Variants in LAMA2 observed in about 807,000 individuals in gnomAD.
LAMA2 encodes laminin subunit alpha 2.
Under a neutral mutation model 364.8 loss-of-function variants are expected in LAMA2, and 269 were observed. The observed-to-expected ratio is 0.74, with a 90% CI of 0.67 to 0.82. The LOEUF (loss-of-function observed/expected upper bound fraction) is 0.82, where lower values mean the gene tolerates loss of function less well. LAMA2 is among the 40% of genes least tolerant of loss of function. LAMA2 has a pLI of 0.00. For missense variants in LAMA2, 3,807 were observed against 3,873.2 expected, an observed-to-expected ratio of 0.98 and a Z score of 0.45; for synonymous variants, 1,379 against 1,370.6, an observed-to-expected ratio of 1.01 and a Z score of -0.14.
intron 12 of LAMA2, among the ~76,000 whole-genome samples, chr6:129,225,269 C>G (rs909403628): frequency 1.3e-5 from 2 of 152,112 alleles, no homozygotes; most frequent in African/African-American, 4.8e-5. Flanking sequence ...TTTTGTTGAT[C>G]TTTTCAAAAA....
intron 2 of LAMA2, among the ~76,000 whole-genome samples, chr6:129,057,575 A>AT (rs1333525682): frequency 1.3e-5 from 2 of 152,140 alleles, no homozygotes; most frequent in Admixed American, 6.6e-5. Flanking sequence ...TTAATTTCAT[A>AT]TTTTTTCTCT....
intron 16 of LAMA2, 26 bp downstream of exon 16, chr6:129,267,245 CT>C (rs774833665): frequency 9.6e-6 from 14 of 1,451,500 alleles, no homozygotes; most frequent in Non-Finnish European, 1.2e-5. Flanking sequence ...TTTGGGGATG[CT>C]GATTGACAAG....
chr6:129,230,002 A>G (rs1256915404), intron 12 of LAMA2, among the ~76,000 whole-genome samples: 1 of 152,202 alleles, frequency 6.6e-6, no homozygotes, highest in Non-Finnish European at 1.5e-5. Flanking sequence ...TGAACTGAAG[A>G]TGTAAAATGT....
intron 12 of LAMA2, among the ~76,000 whole-genome samples, chr6:129,233,882 A>C (rs1784825692): frequency 6.6e-6 from 1 of 152,164 alleles, no homozygotes; most frequent in Non-Finnish European, 1.5e-5. Flanking sequence ...AACTGGTCTG[A>C]AACTCCGCTC....
At chr6:129,362,251 T>C (rs1185624021) in intron 32 of LAMA2, among the ~76,000 whole-genome samples, 1 of 152,226 alleles carries the variant, frequency 6.6e-6, no homozygotes, top group Non-Finnish European at 1.5e-5. Context: ...GTCATTCTTG[T>C]TGATCGGACA....
intron 17 of LAMA2, among the ~76,000 whole-genome samples, chr6:129,278,227 A>C (rs541903755): frequency 6.6e-6 from 1 of 152,172 alleles, no homozygotes; most frequent in African/African-American, 2.4e-5. Context: ...AAATATTTTT[A>C]AAAATGTCAG....
At position 129,347,791 on chromosome 6, in the gene LAMA2, A is replaced by G. The variant is rs6905378; in HGVS notation, c.4437-1507A>G. Among the ~76,000 whole-genome samples, 2,768 of 152,328 alleles carry G rather than the reference A, an allele frequency of 0.018. 241 individuals carry two copies. In the East Asian group the frequency reaches 0.28, roughly 15 times the overall value. ...GTGAGATGGAATCCCTACTCCCTCC[A>G]GAAGACCTTTTATGTGATATAAGGA... On this transcript the variant is annotated intron_variant, in intron 30 of 64. Coordinates refer to ENST00000421865, the MANE Select transcript of LAMA2 (RefSeq NM_000426.4).
intron 12 of LAMA2, among the ~76,000 whole-genome samples, chr6:129,205,491 T>TAG (rs1400126417): frequency 1.6e-5 from 2 of 123,086 alleles, no homozygotes; most frequent in Admixed American, 7.7e-5. Context: ...TATATATATA[T>TAG]ATACACACAC....
At chr6:128,912,315 C>T (rs1778020348) in intron 1 of LAMA2, among the ~76,000 whole-genome samples, 1 of 141,632 alleles carries the variant, frequency 7.1e-6, no homozygotes, top group South Asian at 2.2e-4. Context: ...TGAATGATAC[C>T]GTAATGGATA....
intron 12 of LAMA2, among the ~76,000 whole-genome samples, chr6:129,224,000 T>C (rs544201472): frequency 1.3e-5 from 2 of 152,362 alleles, no homozygotes; most frequent in Non-Finnish European, 2.9e-5. Flanking sequence ...TTCCATTTGT[T>C]TGTGTCCTCT....
chr6:129,007,201 T>C (rs1371981285), intron 1 of LAMA2, among the ~76,000 whole-genome samples: 1 of 152,100 alleles, frequency 6.6e-6, no homozygotes, highest in East Asian at 1.9e-4. Flanking sequence ...TTTACTTAGA[T>C]TATATCTATT....
At chr6:128,993,593 A>G (rs192080872) in intron 1 of LAMA2, among the ~76,000 whole-genome samples, 2 of 152,232 alleles carry the variant, frequency 1.3e-5, no homozygotes, top group Admixed American at 1.3e-4. Flanking sequence ...CCTAATATGC[A>G]TTTTTATGGT....
intron 41 of LAMA2, 30 bp downstream of exon 41, chr6:129,427,884 C>A: frequency 7.5e-7 from 1 of 1,340,212 alleles, no homozygotes; most frequent in Non-Finnish European, 1.1e-6. Flanking sequence ...TTATTATATT[C>A]CAGTTAATCG....
rs1246459489 is a variant in LAMA2 at position 129,460,306 on chromosome 6, G to A, written c.6974G>A (p.Cys2325Tyr). 1 of 1,612,156 alleles carries A rather than the reference G, an allele frequency of 6.2e-7. No individual in the cohort carries two copies. Among genetic ancestry groups the A allele is most frequent in the East Asian group, 2.2e-5 (1 of 44,794 alleles). The change falls in exon 49 of 65, where the codon TGC becomes TAC. Residue 2325 changes from cysteine (C) to tyrosine (Y), a missense_variant. By Grantham distance (194) the Cys-to-Tyr change is radical. This residue lies in a region of LAMA2 where 3,333 missense variants were observed against 3,345.7 expected (regional missense o/e 1.00). Coordinates refer to ENST00000421865, the MANE Select transcript of LAMA2 (RefSeq NM_000426.4). Reference protein sequence around the residue: ...LWNFREKEGDCKGCTVSPQVE... With the variant: ...LWNFREKEGDYKGCTVSPQVE... The stretch of plus-strand genomic sequence containing the variant: ...AATTTCCGAGAAAAAGAAGGTGACT[G>A]CAAAGGATGCACTGTCAGGTTAGTT...
chr6:129,484,541 A>G (rs1784503705), intron 55 of LAMA2, among the ~76,000 whole-genome samples: 1 of 152,192 alleles, frequency 6.6e-6, no homozygotes, highest in Admixed American at 6.5e-5. Context: ...CAGCTGGAGA[A>G]CAGAGAGGCA....
rs1416816643 is a variant in LAMA2, at chr6:129,464,223, T to C, written c.6993-67T>C. On this transcript the variant is annotated intron_variant, in intron 49 of 64. Transcript: ENST00000421865. Reference sequence around the variant, plus strand: ...AGCCTATAGTCTCATTGCTATTCAGTGATGCATTGAATAATGACAGACTGA... The same window carrying C: ...AGCCTATAGTCTCATTGCTATTCAGCGATGCATTGAATAATGACAGACTGA... 4 of 1,321,104 alleles carry C rather than the reference T, an allele frequency of 3.0e-6. No homozygotes were observed. In the Admixed American group the frequency reaches 5.1e-5, roughly 17 times the overall value. The allele number at this position is 1,321,104 out of a possible 1,614,324, so 81.8% of individuals were successfully genotyped here.
At chr6:129,176,428 A>T (rs1780593850) in intron 9 of LAMA2, among the ~76,000 whole-genome samples, 1 of 152,038 alleles carries the variant, frequency 6.6e-6, no homozygotes, top group Non-Finnish European at 1.5e-5. Context: ...TATATACCAC[A>T]TAATATGTAA....
At chr6:129,509,816 A>G (rs1786424344) in intron 62 of LAMA2, among the ~76,000 whole-genome samples, 1 of 152,154 alleles carries the variant, frequency 6.6e-6, no homozygotes, top group Admixed American at 6.6e-5. Context: ...CCTTTTGCAT[A>G]GGATAGCTGT....
rs530101102 is a variant in LAMA2 at position 129,228,562 on chromosome 6, A to C, written c.1783-21550A>C. ...TAAAATATTGTTTATTTCATTTCTC[A>C]TACTTCAAATTACTTATTTACATTT... On this transcript the variant is annotated intron_variant, in intron 12 of 64. Coordinates refer to ENST00000421865, the MANE Select transcript of LAMA2 (RefSeq NM_000426.4). Among the ~76,000 whole-genome samples, 12 of 152,300 alleles carry C rather than the reference A, an allele frequency of 7.9e-5. No individual in the cohort carries two copies. The South Asian group carries it at 2.5e-3, about 32-fold the overall frequency.
Sources: gnomAD v4.1 joint callset for allele counts (sites outside exome capture counted in the v4.1 genomes callset) on GRCh38, gnomAD v4.1.1 for gene constraint, gnomAD v4.1.1 regional missense constraint, MANE v1.5 for transcripts, NCBI Gene and HGNC (gene_info 2026-07-23, HGNC 2026-07-21) for gene names.